Variants in CD36 observed in about 807,000 individuals in gnomAD.
CD36 encodes CD36 molecule (CD36 blood group).
In CD36, 119 loss-of-function variants were observed where a neutral mutation model predicts 55.2. The observed-to-expected ratio is 2.15, with a 90% CI of 1.86 to 2.51. CD36 has a LOEUF of 2.51. Among genes scored for constraint, CD36 ranks in the 30% most tolerant of loss-of-function variants. The pLI is 0.00. For missense variants in CD36, 819 were observed against 555.5 expected (o/e 1.47, Z -4.77); for synonymous variants, 186 against 193.6 (o/e 0.96, Z 0.33).
intron 1 of CD36, among the ~76,000 whole-genome samples, chr7:80,604,100 T>C (rs1792396924): frequency 6.6e-6 from 1 of 152,028 alleles, no homozygotes; most frequent in Non-Finnish European, 1.5e-5. Flanking sequence ...GTTACTTTAT[T>C]GCCACCTGTG....
chr7:80,654,935 G>A (rs1317799361), intron 3 of CD36, among the ~76,000 whole-genome samples: 4 of 151,850 alleles, frequency 2.6e-5, no homozygotes, highest in African/African-American at 7.3e-5. Context: ...CTAGTCTAAG[G>A]GTCATGGATG....
At chr7:80,652,656 A>T (rs1418821714) in intron 3 of CD36, among the ~76,000 whole-genome samples, 4 of 152,198 alleles carry the variant, frequency 2.6e-5, no homozygotes, top group Non-Finnish European at 5.9e-5. Flanking sequence ...TAGAAAGAGA[A>T]ATATTAAAAT....
chr7:80,608,022 G>A (rs752998190), intron 1 of CD36, among the ~76,000 whole-genome samples: 3 of 151,890 alleles, frequency 2.0e-5, no homozygotes, highest in Admixed American at 6.6e-5. Context: ...CGCCCGCCTC[G>A]GCCTCTCAAA....
intron 1 of CD36, chr7:80,633,492 G>A (rs572081723): frequency 6.2e-4 from 94 of 151,902 alleles, no homozygotes; most frequent in Non-Finnish European, 1.0e-3. Flanking sequence ...TAATTTTCTG[G>A]AAATTTTCTT....
At chr7:80,675,544 A>C (rs1798126708) in intron 14 of CD36, among the ~76,000 whole-genome samples, 1 of 152,162 alleles carries the variant, frequency 6.6e-6, no homozygotes, top group Non-Finnish European at 1.5e-5. Context: ...CAACTTTGTC[A>C]ACAAATATAT....
chr7:80,663,162 T>C lies in CD36; in HGVS notation c.602T>C (p.Phe201Ser). ...PYPVTTTVGL[F>S]YPYNNTADGV... Reference sequence around the variant, plus strand: ...CCTGTTACTACCACAGTTGGTCTGTTTTATCCTGTAAGTACCAAATATGAA... The same window carrying C: ...CCTGTTACTACCACAGTTGGTCTGTCTTATCCTGTAAGTACCAAATATGAA... The change falls in exon 6 of 15, where the codon TTT becomes TCT. Residue 201 changes from phenylalanine (F) to serine (S), a missense_variant. Physicochemically the swap from Phe to Ser is radical, Grantham distance 155. Transcript: ENST00000447544. The C allele has an allele frequency of 1.9e-6, 3 of 1,612,996 alleles. No homozygotes were observed. Among genetic ancestry groups the C allele is most frequent in the Non-Finnish European group, 2.5e-6 (3 of 1,179,084 alleles).
rs1281626586 is a variant in CD36, at chr7:80,646,746, C to T, written c.6C>T (p.Gly2=). The T allele has an allele frequency of 9.9e-6, 16 of 1,613,906 alleles. No individual in the cohort carries two copies. The highest frequency in any genetic ancestry group is 1.3e-5 in the Non-Finnish European group (15 of 1,179,910). Residue 2 remains glycine, a synonymous_variant, in exon 3 of 15, where the codon GGC becomes GGT. Transcript: ENST00000447544. The part of the protein sequence containing the change: M[G]CDRNCGLIAG... ...TCACCTCCTGAACAAGAAAAATGGG[C>T]TGTGACCGGAACTGTGGGCTCATCG...
At position 80,603,769 on chromosome 7, in the gene CD36, C is replaced by CAAAAAAAAA. The variant is rs371964967; in HGVS notation, c.-184+1399_-184+1407dup. On this transcript the variant is annotated intron_variant, in intron 1 of 13. Transcript: ENST00000309881. ...CTGGAACTCAAGAATTACAGTCAGGCAAAAAAAAAAAAAAAAAGAGTTTTA... is the reference window on the plus strand; with the variant it reads ...CTGGAACTCAAGAATTACAGTCAGGCAAAAAAAAAAAAAAAAAAAAAAAAAAGAGTTTTA... Among the ~76,000 whole-genome samples the CAAAAAAAAA allele has an allele frequency of 2.1e-4, 20 of 94,384 alleles. No homozygotes were observed. In the East Asian group the frequency reaches 2.5e-3, roughly 12 times the overall value. The allele number at this position is 94,384 out of a possible 152,430, so 61.9% of individuals were successfully genotyped here.
chr7:80,669,964 T>G lies in CD36; in HGVS notation c.760T>G (p.Phe254Val), dbSNP rs142186404. Residue 254 changes from phenylalanine (F) to valine (V), a missense_variant, in exon 9 of 15, where the codon TTT becomes GTT. Physicochemically the swap from Phe to Val is conservative, Grantham distance 50. Transcript: ENST00000447544. ...CGATTTTTAAACAGATGCAGCCTCA[T>G]TTCCACCTTTTGTTGAGAAAAGCCA... ...DMINGTDAAS[F>V]PPFVEKSQVL... The G allele has an allele frequency of 1.1e-5, 17 of 1,612,176 alleles. No homozygotes were observed. In the African/African-American group the frequency reaches 2.1e-4, roughly 20 times the overall value.
intron 1 of CD36, among the ~76,000 whole-genome samples, chr7:80,630,268 A>C (rs1794000581): frequency 1.3e-5 from 2 of 152,024 alleles, no homozygotes; most frequent in African/African-American, 4.8e-5. Context: ...GGATAAAGTG[A>C]GCACATCCTT....
rs1797900130 is a variant in CD36 at position 80,673,299 on chromosome 7, T to G, written c.1200-56T>G. The G allele has an allele frequency of 1.1e-5, 9 of 790,716 alleles. No homozygotes were observed. The South Asian group carries it at 1.4e-4, about 12-fold the overall frequency. 49.0% of individuals were successfully genotyped at this position (790,716 alleles called of 1,614,324 possible). A position where few individuals can be genotyped will look rare whatever the true frequency, so the allele number is the denominator to read the frequency against. ...ATTTATGAACATTTATTTTAAAGTT[T>G]GTTATATATAAATATTAGTTTATAT... On this transcript the variant is annotated intron_variant, in intron 12 of 14. Transcript: ENST00000447544.
intron 10 of CD36, 40 bp downstream of exon 10, chr7:80,671,204 T>A (rs759776555): frequency 2.1e-5 from 28 of 1,335,252 alleles, no homozygotes; most frequent in Non-Finnish European, 2.7e-5. Flanking sequence ...ATACCATAAT[T>A]TGTGATATTC....
chr7:80,626,935 T>A (rs1235478466), intron 1 of CD36, among the ~76,000 whole-genome samples: 1 of 152,060 alleles, frequency 6.6e-6, no homozygotes, highest in African/African-American at 2.4e-5. Flanking sequence ...CCTCTTCATA[T>A]GTAAGTATTG....
At chr7:80,649,225 A>G (rs1360799017) in intron 3 of CD36, among the ~76,000 whole-genome samples, 1 of 152,080 alleles carries the variant, frequency 6.6e-6, no homozygotes, top group Non-Finnish European at 1.5e-5. Flanking sequence ...TCAACTTGCC[A>G]ACTCACCTAG....
chr7:80,673,345 T>C lies in CD36; in HGVS notation c.1200-10T>C. 1 of 1,267,594 alleles carries C rather than the reference T, an allele frequency of 7.9e-7. No individual in the cohort carries two copies. Among genetic ancestry groups the C allele is most frequent in the South Asian group, 1.3e-5 (1 of 79,350 alleles). 78.5% of individuals were successfully genotyped at this position (1,267,594 alleles called of 1,614,324 possible). On this transcript the variant is annotated splice_polypyrimidine_tract_variant and intron_variant, in intron 12 of 14. Coordinates refer to ENST00000447544, the MANE Select transcript of CD36 (RefSeq NM_001001548.3). ...TATATGTTCATAATTATTTTCAACG[T>C]ATATTACAGAGTATTAAAGAATCTG...
chr7:80,646,365 A>G (rs372978118), intron 2 of CD36, 184 bp downstream of exon 2: 2 of 291,968 alleles, frequency 6.9e-6, no homozygotes, highest in East Asian at 8.4e-5. Flanking sequence ...TGAGGGTGAG[A>G]GTTCTCCTTA....
chr7:80,634,369 G>T (rs1794262176), upstream of CD36, among the ~76,000 whole-genome samples: 1 of 152,040 alleles, frequency 6.6e-6, no homozygotes, highest in African/African-American at 2.4e-5. Flanking sequence ...CTTTTCATTT[G>T]CTGAACTGTT....
intron 6 of CD36, 26 bp from the exon 7 acceptor site, chr7:80,664,380 A>C (rs1796823564): frequency 8.2e-7 from 1 of 1,219,882 alleles, no homozygotes; most frequent in Admixed American, 1.7e-5. Context: ...TTGTAGAAGT[A>C]ACATTTTCCC....
At chr7:80,668,722 T>C (rs139840001) in intron 8 of CD36, among the ~76,000 whole-genome samples, 165 of 152,284 alleles carry the variant, frequency 1.1e-3, no homozygotes, top group African/African-American at 3.4e-3. Context: ...AATGTCCATA[T>C]GGGGGCTTAT....
Sources: gnomAD v4.1 joint callset for allele counts (sites outside exome capture counted in the v4.1 genomes callset) on GRCh38, gnomAD v4.1.1 for gene constraint, MANE v1.5 for transcripts, NCBI Gene and HGNC (gene_info 2026-07-23, HGNC 2026-07-21) for gene names.